The following ST6GALNAC3 variants were observed in gnomAD, a reference collection of about 807,000 sequenced individuals.
ST6GALNAC3 encodes ST6 N-acetylgalactosaminide alpha-2,6-sialyltransferase 3, also known as alpha-N-acetylgalactosaminide alpha-2,6-sialyltransferase 3.
ST6GALNAC3 carries 25 observed loss-of-function variants against 32.7 expected under a neutral mutation model. The ratio of observed to expected loss-of-function variants is 0.76; its 90% CI spans 0.56 to 1.07. The LOEUF is 1.07. ST6GALNAC3 is among the 50% of genes least tolerant of loss of function. The pLI, the probability that ST6GALNAC3 is intolerant of heterozygous loss-of-function variation, is 0.00. For synonymous variants in ST6GALNAC3, 129 were observed against 133.1 expected (o/e 0.97, Z 0.21); for missense variants, 355 against 382.4 (o/e 0.93, Z 0.60).
chr1:76,227,008 C>T (rs1268901246), intron 1 of ST6GALNAC3, among the ~76,000 whole-genome samples: 3 of 152,202 alleles, frequency 2.0e-5, no homozygotes, highest in Non-Finnish European at 4.4e-5. Context: ...TCTTGATCCA[C>T]AAGAATAAAG....
intron 1 of ST6GALNAC3, chr1:76,310,107 A>G: frequency 2.6e-6 from 1 of 389,916 alleles, no homozygotes; most frequent in South Asian, 1.9e-5. Context: ...AGCTCTGAAT[A>G]AACAAAAGCA....
intron 3 of ST6GALNAC3, among the ~76,000 whole-genome samples, chr1:76,550,425 T>C (rs553351975): frequency 6.6e-6 from 1 of 152,318 alleles, no homozygotes; most frequent in African/African-American, 2.4e-5. Context: ...CATTTTTTGG[T>C]CACTGATTGA....
intron 1 of ST6GALNAC3, among the ~76,000 whole-genome samples, chr1:76,269,290 T>C (rs986761221): frequency 6.6e-6 from 1 of 152,190 alleles, no homozygotes; most frequent in Non-Finnish European, 1.5e-5. Flanking sequence ...ATAAATAACC[T>C]TCCATATGCT....
intron 3 of ST6GALNAC3, among the ~76,000 whole-genome samples, chr1:76,599,536 ATGCGGTGTTTGGTT>A (rs1303828928): frequency 2.0e-5 from 3 of 151,700 alleles, no homozygotes; most frequent in African/African-American, 7.3e-5. Flanking sequence ...GAGTGAGAAC[ATGCGGTGTTTGGTT>A]TTCTGTTCCT....
intron 3 of ST6GALNAC3, among the ~76,000 whole-genome samples, chr1:76,625,786 G>T (rs1206441146): frequency 6.6e-6 from 1 of 151,844 alleles, no homozygotes; most frequent in Non-Finnish European, 1.5e-5. Flanking sequence ...ATCTATTGCT[G>T]CCCCATGTTG....
At chr1:76,564,323 A>C (rs959576820) in intron 3 of ST6GALNAC3, among the ~76,000 whole-genome samples, 1 of 152,188 alleles carries the variant, frequency 6.6e-6, no homozygotes, top group Non-Finnish European at 1.5e-5. Flanking sequence ...TTTACTTTTA[A>C]ACCTACTTTG....
chr1:76,372,314 T>A (rs1650890134), intron 2 of ST6GALNAC3, among the ~76,000 whole-genome samples: 1 of 152,110 alleles, frequency 6.6e-6, no homozygotes, highest in Non-Finnish European at 1.5e-5. Context: ...AAAATAATAA[T>A]GTATGTATTT....
intron 3 of ST6GALNAC3, among the ~76,000 whole-genome samples, chr1:76,464,630 T>C (rs1282212149): frequency 6.6e-6 from 1 of 152,222 alleles, no homozygotes; most frequent in Non-Finnish European, 1.5e-5. Flanking sequence ...TTTAAGCCCC[T>C]GGCAACAGCA....
intron 3 of ST6GALNAC3, among the ~76,000 whole-genome samples, chr1:76,556,597 G>A (rs1005094558): frequency 1.3e-5 from 2 of 152,014 alleles, no homozygotes; most frequent in African/African-American, 4.8e-5. Flanking sequence ...ACCTCATTAT[G>A]GCTTTGGTTG....
At chr1:76,250,224 T>C (rs1221750341) in intron 1 of ST6GALNAC3, among the ~76,000 whole-genome samples, 4 of 152,274 alleles carry the variant, frequency 2.6e-5, no homozygotes, top group Admixed American at 6.5e-5. Flanking sequence ...ATACATAAAA[T>C]AGGATGGTTT....
chr1:76,456,263 C>T (rs971873164), intron 3 of ST6GALNAC3, among the ~76,000 whole-genome samples: 1 of 152,134 alleles, frequency 6.6e-6, no homozygotes, highest in African/African-American at 2.4e-5. Context: ...TCTTTCTATG[C>T]CATTAGATGA....
chr1:76,351,841 C>T (rs1649000646), intron 2 of ST6GALNAC3, among the ~76,000 whole-genome samples: 1 of 152,054 alleles, frequency 6.6e-6, no homozygotes. Context: ...ATTTTCCTCT[C>T]AATACAATAG....
intron 1 of ST6GALNAC3, among the ~76,000 whole-genome samples, chr1:76,215,422 A>G (rs1043028059): frequency 1.3e-5 from 2 of 152,124 alleles, no homozygotes; most frequent in Non-Finnish European, 2.9e-5. Context: ...AAAAATGCCA[A>G]TGGCTGGGTT....
At chr1:76,495,556 C>T (rs1660800873) in intron 3 of ST6GALNAC3, among the ~76,000 whole-genome samples, 1 of 152,120 alleles carries the variant, frequency 6.6e-6, no homozygotes, top group African/African-American at 2.4e-5. Context: ...TCCTAGGTAA[C>T]TTACCTCCAA....
intron 1 of ST6GALNAC3, among the ~76,000 whole-genome samples, chr1:76,296,608 C>T (rs1406535530): frequency 6.6e-6 from 1 of 152,028 alleles, no homozygotes; most frequent in Non-Finnish European, 1.5e-5. Context: ...CCCCAAATGT[C>T]CATAGCAGTG....
At chr1:76,568,758 C>A (rs1008738268) in intron 3 of ST6GALNAC3, among the ~76,000 whole-genome samples, 1 of 152,096 alleles carries the variant, frequency 6.6e-6, no homozygotes, top group Admixed American at 6.6e-5. Flanking sequence ...ATCCCAGGTT[C>A]GCCAAGAGTG....
chr1:76,167,164 G>T (rs1248168790), intron 1 of ST6GALNAC3, among the ~76,000 whole-genome samples: 1 of 152,064 alleles, frequency 6.6e-6, no homozygotes, highest in Non-Finnish European at 1.5e-5. Context: ...TTATTTTGAG[G>T]TATATTCATT....
intron 3 of ST6GALNAC3, among the ~76,000 whole-genome samples, chr1:76,484,165 A>C (rs1319692379): frequency 3.3e-5 from 5 of 152,168 alleles, no homozygotes; most frequent in Admixed American, 3.3e-4. Context: ...TGATGCCTCC[A>C]GCTTTGTTCT....
At chr1:76,523,101 T>C (rs1662651650) in intron 3 of ST6GALNAC3, among the ~76,000 whole-genome samples, 1 of 152,110 alleles carries the variant, frequency 6.6e-6, no homozygotes, top group East Asian at 1.9e-4. Context: ...TATCTGTTCT[T>C]TTTCCTCAAA....
Sources: gnomAD v4.1 joint callset for allele counts (sites outside exome capture counted in the v4.1 genomes callset) on GRCh38, gnomAD v4.1.1 for gene constraint, MANE v1.5 for transcripts, NCBI Gene and HGNC (gene_info 2026-07-23, HGNC 2026-07-21) for gene names.